LIPI: variants seen among roughly 807,000 people sequenced by gnomAD.
LIPI encodes lipase member I.
Under a neutral mutation model 50.6 loss-of-function variants are expected in LIPI, and 59 were observed. The ratio of observed to expected loss-of-function variants is 1.16; its 90% CI spans 0.94 to 1.45. The LOEUF (loss-of-function observed/expected upper bound fraction) is 1.45, where lower values mean the gene tolerates loss of function less well. Ranked by LOEUF, LIPI falls within the 40% of genes most tolerant of loss-of-function variation. LIPI has a pLI of 0.00. For missense variants in LIPI, 586 were observed against 536.3 expected (o/e 1.09, Z -0.92); for synonymous variants, 203 against 178.2 (o/e 1.14, Z -1.11).
intron 9 of LIPI, among the ~76,000 whole-genome samples, chr21:14,124,824 C>T (rs10854283): frequency 6.6e-6 from 1 of 152,048 alleles, no homozygotes; most frequent in Non-Finnish European, 1.5e-5. Context: ...AACCCCATCT[C>T]TGCTAAAAAT....
chr21:14,115,338 T>C lies in LIPI; in HGVS notation c.1296-6258A>G, dbSNP rs1003423437. On this transcript the variant is annotated intron_variant, in intron 9 of 9. Transcript: ENST00000681601. ...AATGTAAAAGACTGATCAACTGCCT[T>C]TTTTCTCGCTTCTGTAAGTAGGCTT... Among the ~76,000 whole-genome samples, 6 of 152,142 alleles carry C rather than the reference T, an allele frequency of 3.9e-5. No homozygotes were observed. The South Asian group carries it at 6.2e-4, about 16-fold the overall frequency.
At chr21:14,151,639 C>T (rs1369968008) in intron 8 of LIPI, among the ~76,000 whole-genome samples, 1 of 152,096 alleles carries the variant, frequency 6.6e-6, no homozygotes, top group African/African-American at 2.4e-5. Context: ...AGGTTGGAAA[C>T]CACAACTATA....
chr21:14,144,937 A>G (rs1033486769), intron 8 of LIPI, 138 bp from the exon 9 acceptor site: 1 of 560,494 alleles, frequency 1.8e-6, no homozygotes, highest in African/African-American at 1.9e-5. Flanking sequence ...TTATTGCAGT[A>G]TTTATTAAAA....
At chr21:14,120,896 G>A (rs1331400205) in intron 9 of LIPI, among the ~76,000 whole-genome samples, 3 of 152,136 alleles carry the variant, frequency 2.0e-5, no homozygotes, top group East Asian at 1.9e-4. Context: ...GCCATCACTC[G>A]AGCCATCTGT....
chr21:14,117,335 G>A (rs1384471530), intron 9 of LIPI, among the ~76,000 whole-genome samples: 6 of 151,770 alleles, frequency 4.0e-5, no homozygotes, highest in African/African-American at 1.2e-4. Context: ...GGGCTGACCT[G>A]CAAGCAGCTC....
At chr21:14,130,324 T>A (rs1175135519) in intron 9 of LIPI, among the ~76,000 whole-genome samples, 2 of 152,026 alleles carry the variant, frequency 1.3e-5, no homozygotes, top group Non-Finnish European at 2.9e-5. Flanking sequence ...CAGGCAACAG[T>A]GCAAGACTCT....
At chr21:14,177,638 G>A (rs2019141193) in intron 4 of LIPI, among the ~76,000 whole-genome samples, 1 of 151,946 alleles carries the variant, frequency 6.6e-6, no homozygotes, top group African/African-American at 2.4e-5. Flanking sequence ...AATTACTGAA[G>A]GTCATTTTCA....
intron 9 of LIPI, among the ~76,000 whole-genome samples, chr21:14,126,821 G>A (rs1323951142): frequency 6.6e-6 from 1 of 152,170 alleles, no homozygotes; most frequent in African/African-American, 2.4e-5. Flanking sequence ...GTCTGGAGAA[G>A]TCAAACTTGG....
intron 1 of LIPI, among the ~76,000 whole-genome samples, chr21:14,197,847 A>T (rs1393296633): frequency 6.6e-6 from 1 of 150,972 alleles, no homozygotes; most frequent in Non-Finnish European, 1.5e-5. Context: ...AATGAAAAAA[A>T]AAAATGTTAA....
chr21:14,209,216 T>A (rs1467708124), intron 1 of LIPI, among the ~76,000 whole-genome samples: 2 of 152,216 alleles, frequency 1.3e-5, no homozygotes, highest in Non-Finnish European at 2.9e-5. Flanking sequence ...GTATAAAGTT[T>A]TTTGATCTAT....
intron 9 of LIPI, among the ~76,000 whole-genome samples, chr21:14,125,411 T>C (rs780487226): frequency 1.3e-5 from 2 of 152,106 alleles, no homozygotes; most frequent in Non-Finnish European, 1.5e-5. Context: ...AGAATAATAA[T>C]TAGCAAACTG....
intron 7 of LIPI, among the ~76,000 whole-genome samples, chr21:14,161,691 G>GTATAATATATACATTATTACATATTAATA (rs2018484487): frequency 1.5e-5 from 1 of 67,264 alleles, no homozygotes; most frequent in Non-Finnish European, 2.7e-5. Context: ...ATATATTAAT[G>GTATAATATATACATTATTACATATTAATA]TATAATATAT....
chr21:14,143,657 G>T (rs988997430), intron 9 of LIPI: 2 of 152,088 alleles, frequency 1.3e-5, no homozygotes, highest in Non-Finnish European at 2.9e-5. Flanking sequence ...ATTTCTATAG[G>T]CTCTCAGCTG....
At chr21:14,114,012 C>A (rs573962209) in intron 9 of LIPI, among the ~76,000 whole-genome samples, 1 of 151,950 alleles carries the variant, frequency 6.6e-6, no homozygotes, top group Non-Finnish European at 1.5e-5. Context: ...ATGGTGAAAC[C>A]CTGTCTCTAC....
chr21:14,178,715 G>C (rs868246946), intron 4 of LIPI, among the ~76,000 whole-genome samples: 1 of 152,102 alleles, frequency 6.6e-6, no homozygotes, highest in Non-Finnish European at 1.5e-5. Context: ...AGGCCTATGG[G>C]TGTTGTCTAT....
chr21:14,161,566 C>T (rs2018467494), intron 7 of LIPI, among the ~76,000 whole-genome samples: 1 of 98,182 alleles, frequency 1.0e-5, no homozygotes, highest in Non-Finnish European at 1.9e-5. Context: ...TATATTATAT[C>T]TATTATATAT....
rs1568859879 is a variant in LIPI at position 14,163,447 on chromosome 21, C to G, written c.978G>C (p.Leu326Phe). Residue 326 changes from leucine (L) to phenylalanine (F), a missense_variant, in exon 7 of 10, where the codon TTG becomes TTC. Transcript: ENST00000681601. The stretch of plus-strand genomic sequence containing the variant: ...AGAATGGATATGTACCACTTGTATC[C>G]AAAAACACAGTGGTCCTAAGAGGTC... The part of the protein sequence containing the change: ...EGRPLRTTVF[L>F]DTSGTYPFCT... 2 of 1,551,672 alleles carry G rather than the reference C, an allele frequency of 1.3e-6. No individual in the cohort carries two copies. Among genetic ancestry groups the G allele is most frequent in the Admixed American group, 1.7e-5 (1 of 59,854 alleles).
chr21:14,193,487 T>C (rs1353542197), intron 1 of LIPI, among the ~76,000 whole-genome samples: 1 of 152,116 alleles, frequency 6.6e-6, no homozygotes, highest in Admixed American at 6.5e-5. Context: ...CCAGACTATA[T>C]GTTACCTACA....
intron 1 of LIPI, among the ~76,000 whole-genome samples, chr21:14,192,659 C>T (rs1228511511): frequency 6.6e-6 from 1 of 152,174 alleles, no homozygotes; most frequent in Admixed American, 6.5e-5. Flanking sequence ...TAAGTGGACT[C>T]TTCAGCAGAA....
Sources: gnomAD v4.1 joint callset for allele counts (sites outside exome capture counted in the v4.1 genomes callset) on GRCh38, gnomAD v4.1.1 for gene constraint, MANE v1.5 for transcripts, NCBI Gene and HGNC (gene_info 2026-07-23, HGNC 2026-07-21) for gene names.